CNTN4: variants seen among roughly 807,000 people sequenced by gnomAD.
CNTN4 encodes contactin-4.
CNTN4 carries 77 observed loss-of-function variants against 122.5 expected under a neutral mutation model. The observed-to-expected ratio is 0.63, with a 90% confidence interval of 0.52 to 0.76. CNTN4 has a LOEUF of 0.76. Among genes scored for constraint, CNTN4 ranks in the 30% least tolerant of loss-of-function variants. The pLI, the probability that CNTN4 is intolerant of heterozygous loss-of-function variation, is 0.00. For synonymous variants in CNTN4, 512 were observed against 447.0 expected, an observed-to-expected ratio of 1.15 and a Z score of -1.83; for missense variants, 1,256 against 1,259.1, an observed-to-expected ratio of 1.00 and a Z score of 0.04.
At chr3:2,393,239 T>C (rs895130316) in intron 3 of CNTN4, among the ~76,000 whole-genome samples, 10 of 100,678 alleles carry the variant, frequency 9.9e-5, no homozygotes, top group African/African-American at 4.0e-4. Context: ...ATACCAGTCA[T>C]AATGGATTAG....
chr3:2,528,938 A>G (rs908616531), intron 3 of CNTN4, among the ~76,000 whole-genome samples: 1 of 152,106 alleles, frequency 6.6e-6, no homozygotes, highest in African/African-American at 2.4e-5. Flanking sequence ...AACATTCATC[A>G]TTTCTTTGTG....
At chr3:2,224,733 T>C (rs1264376914) in intron 2 of CNTN4, among the ~76,000 whole-genome samples, 2 of 152,216 alleles carry the variant, frequency 1.3e-5, no homozygotes, top group African/African-American at 2.4e-5. Context: ...TAAGATTTAC[T>C]AAAGTACATC....
intron 3 of CNTN4, among the ~76,000 whole-genome samples, chr3:2,500,428 T>C (rs2076565719): frequency 6.6e-6 from 1 of 152,186 alleles, no homozygotes; most frequent in Admixed American, 6.5e-5. Context: ...TATAAAATTA[T>C]ATTTTGACAC....
chr3:2,479,906 T>C (rs2151570249), intron 3 of CNTN4, among the ~76,000 whole-genome samples: 1 of 152,228 alleles, frequency 6.6e-6, no homozygotes, highest in Admixed American at 6.5e-5. Context: ...TGTATAAAAA[T>C]AATTATACAC....
chr3:2,105,640 C>G (rs150864530), intron 2 of CNTN4, among the ~76,000 whole-genome samples: 127 of 152,272 alleles, frequency 8.3e-4, no homozygotes, highest in Middle Eastern at 3.4e-3. Flanking sequence ...CTACCAGGTC[C>G]CACCCTTGAC....
chr3:2,251,614 A>T (rs1161224313), intron 2 of CNTN4, among the ~76,000 whole-genome samples: 1 of 151,854 alleles, frequency 6.6e-6, no homozygotes, highest in Non-Finnish European at 1.5e-5. Context: ...GATAGGAGAG[A>T]AATGAAGCAT....
intron 6 of CNTN4, among the ~76,000 whole-genome samples, chr3:2,758,102 T>C (rs1314162840): frequency 6.6e-6 from 1 of 152,208 alleles, no homozygotes; most frequent in Non-Finnish European, 1.5e-5. Flanking sequence ...ATTAATTATA[T>C]CTTAAAGGCC....
chr3:2,848,072 A>G (rs1194102507), intron 7 of CNTN4, among the ~76,000 whole-genome samples: 1 of 151,982 alleles, frequency 6.6e-6, no homozygotes, highest in East Asian at 1.9e-4. Context: ...ACATAGCAAG[A>G]CCTCGTCTCT....
At chr3:2,880,334 G>A (rs2093892854) in intron 8 of CNTN4, among the ~76,000 whole-genome samples, 1 of 152,092 alleles carries the variant, frequency 6.6e-6, no homozygotes, top group Non-Finnish European at 1.5e-5. Context: ...TTGATTTCCT[G>A]GGAAGACGAA....
At chr3:2,916,816 G>A (rs971660527) in intron 12 of CNTN4, among the ~76,000 whole-genome samples, 20 of 150,896 alleles carry the variant, frequency 1.3e-4, no homozygotes, top group Non-Finnish European at 2.5e-4. Flanking sequence ...CGGGGCCGCC[G>A]GGTGGAGACG....
chr3:2,928,044 G>T (rs2094489362), intron 13 of CNTN4, among the ~76,000 whole-genome samples: 1 of 152,276 alleles, frequency 6.6e-6, no homozygotes, highest in South Asian at 2.1e-4. Flanking sequence ...GGGGACTTCA[G>T]TGTTTGCCCC....
chr3:2,774,222 C>T (rs538008215), intron 6 of CNTN4, among the ~76,000 whole-genome samples: 1 of 152,014 alleles, frequency 6.6e-6, no homozygotes, highest in Non-Finnish European at 1.5e-5. Context: ...GATTGCACCA[C>T]TGCACCCCAG....
intron 2 of CNTN4, among the ~76,000 whole-genome samples, chr3:2,101,438 G>T (rs527826087): frequency 6.6e-6 from 1 of 152,126 alleles, no homozygotes; most frequent in Non-Finnish European, 1.5e-5. Flanking sequence ...ATATGCATTA[G>T]CTTCAATCTC....
rs147089182 is a variant in CNTN4, at chr3:2,596,469, T to A, written c.55+24911T>A. Among the ~76,000 whole-genome samples, 386 of 152,292 alleles carry A rather than the reference T, an allele frequency of 2.5e-3. 2 individuals carry two copies. The highest frequency in any genetic ancestry group is 8.5e-3 in the African/African-American group (353 of 41,570). On this transcript the variant is annotated intron_variant, in intron 4 of 24. Transcript: ENST00000418658. Reference sequence around the variant, plus strand: ...AGCTTAATAACAGAAATAGCAATCATGTGTTGAATATTTATTCTGGTGGTA... The same window carrying A: ...AGCTTAATAACAGAAATAGCAATCAAGTGTTGAATATTTATTCTGGTGGTA...
At chr3:2,319,134 GA>G (rs2043201593) in intron 2 of CNTN4, among the ~76,000 whole-genome samples, 1 of 152,152 alleles carries the variant, frequency 6.6e-6, no homozygotes, top group African/African-American at 2.4e-5. Flanking sequence ...TCAAAAGGAA[GA>G]GGAAAGAAAA....
intron 4 of CNTN4, among the ~76,000 whole-genome samples, chr3:2,689,842 C>T (rs766648703): frequency 3.3e-5 from 5 of 152,120 alleles, no homozygotes; most frequent in Non-Finnish European, 7.4e-5. Context: ...ATCTCCAGCA[C>T]ATACATAAAA....
chr3:2,887,960 G>GTATATAACAAATATACA (rs1475576148), intron 10 of CNTN4, among the ~76,000 whole-genome samples: 11 of 152,170 alleles, frequency 7.2e-5, no homozygotes, highest in Admixed American at 1.3e-4. Flanking sequence ...AATCCCATCT[G>GTATATAACAAATATACA]TCTGGGATAC....
intron 14 of CNTN4, among the ~76,000 whole-genome samples, chr3:3,021,349 T>C (rs990476355): frequency 2.0e-5 from 3 of 152,184 alleles, no homozygotes; most frequent in African/African-American, 7.2e-5. Context: ...TCAGGATTAT[T>C]GTCATCATTA....
intron 5 of CNTN4, among the ~76,000 whole-genome samples, chr3:2,740,536 A>G (rs2089400286): frequency 1.3e-5 from 2 of 152,246 alleles, no homozygotes; most frequent in Admixed American, 1.3e-4. Context: ...TAATCAAAGT[A>G]GATACAGCAG....
Sources: gnomAD v4.1 joint callset for allele counts (sites outside exome capture counted in the v4.1 genomes callset) on GRCh38, gnomAD v4.1.1 for gene constraint, MANE v1.5 for transcripts, NCBI Gene and HGNC (gene_info 2026-07-23, HGNC 2026-07-21) for gene names.